The following LRRC7 variants were observed in gnomAD, a reference collection of about 807,000 sequenced individuals.
The protein encoded by LRRC7 is leucine-rich repeat-containing protein 7.
A neutral mutation model predicts 175.7 loss-of-function variants in LRRC7; 23 were observed. The ratio of observed to expected loss-of-function variants is 0.13; its 90% CI spans 0.09 to 0.19. The LOEUF is 0.19. LRRC7 is among the 10% of genes least tolerant of loss of function. LRRC7 has a pLI of 1.00. For synonymous variants in LRRC7, 685 were observed against 680.9 expected (o/e 1.01, Z -0.09); for missense variants, 1,354 against 1,904.7 (o/e 0.71, Z 5.38).
chr1:69,919,525 C>G lies in LRRC7; in HGVS notation c.648-11982C>G, dbSNP rs1646818089. ...GCAGGGGGAGCCCGCCAGGGTCCGCCGCTCGCACCTGCTAGTGAAGCCAGT... is the reference window on the plus strand; with the variant it reads ...GCAGGGGGAGCCCGCCAGGGTCCGCGGCTCGCACCTGCTAGTGAAGCCAGT... On this transcript the variant is annotated intron_variant, in intron 7 of 26. Transcript: ENST00000651989. The G allele has an allele frequency of 3.7e-5, 30 of 809,606 alleles. 3 individuals carry two copies. In the South Asian group the frequency reaches 4.2e-4, roughly 11 times the overall value. 50.2% of individuals were successfully genotyped at this position (809,606 alleles called of 1,614,324 possible). A position where few individuals can be genotyped will look rare whatever the true frequency, so the allele number is the denominator to read the frequency against.
chr1:69,786,744 C>T (rs374490704), intron 3 of LRRC7, among the ~76,000 whole-genome samples: 17 of 152,244 alleles, frequency 1.1e-4, no homozygotes, highest in African/African-American at 4.1e-4. Context: ...GATTTAATTA[C>T]CTCCCACTGG....
chr1:70,072,578 A>ACTGCTGCTGCTG (rs6143270), intron 23 of LRRC7, among the ~76,000 whole-genome samples: 4 of 150,608 alleles, frequency 2.7e-5, no homozygotes, highest in Non-Finnish European at 4.4e-5. Context: ...GAGACAAAAA[A>ACTGCTGCTGCTG]CTGCTGCTGC....
rs772065026 is a variant in LRRC7 at position 70,076,177 on chromosome 1, A to G, written c.4331A>G (p.Gln1444Arg). The G allele has an allele frequency of 1.1e-5, 18 of 1,614,028 alleles. No individual in the cohort carries two copies. Among genetic ancestry groups the G allele is most frequent in the Non-Finnish European group, 1.4e-5 (17 of 1,180,004 alleles). The change falls in exon 24 of 27, where the codon CAG becomes CGG. Residue 1444 changes from glutamine (Q) to arginine (R), a missense_variant. Gln to Arg is a conservative substitution (Grantham distance 43). Around this residue, in one of 4 missense-constraint regions of LRRC7, gnomAD observed 1,032 missense variants for 1,227.2 expected, o/e 0.84. Transcript: ENST00000651989. ...YEGNINKVTIQQFQSPLPIQI... is the reference protein window; with the variant it reads ...YEGNINKVTIRQFQSPLPIQI... ...GGAAATATAAACAAAGTGACCATCC[A>G]GCAATTTCAGTCACCATTGCCTATT...
intron 1 of LRRC7, among the ~76,000 whole-genome samples, chr1:69,578,781 G>A (rs1173130250): frequency 1.6e-5 from 2 of 127,188 alleles, no homozygotes; most frequent in African/African-American, 5.9e-5. Context: ...ATCACACTCT[G>A]GGGACTGTTG....
intron 4 of LRRC7, among the ~76,000 whole-genome samples, chr1:69,802,338 G>C (rs982285345): frequency 2.0e-5 from 3 of 151,306 alleles, no homozygotes; most frequent in African/African-American, 7.3e-5. Flanking sequence ...CACTATTATT[G>C]TATTGCATCT....
intron 8 of LRRC7, among the ~76,000 whole-genome samples, chr1:69,953,404 T>C (rs1411062705): frequency 6.6e-6 from 1 of 152,030 alleles, no homozygotes; most frequent in African/African-American, 2.4e-5. Context: ...TAAACTCCTC[T>C]ACAAAGAGAT....
intron 8 of LRRC7, among the ~76,000 whole-genome samples, chr1:69,943,669 A>T (rs1015398248): frequency 6.8e-6 from 1 of 146,606 alleles, no homozygotes; most frequent in African/African-American, 2.7e-5. Context: ...CATATGGCCC[A>T]AGTGAACACT....
chr1:70,060,111 A>G (rs541768898), intron 23 of LRRC7, among the ~76,000 whole-genome samples: 1 of 152,210 alleles, frequency 6.6e-6, no homozygotes, highest in Non-Finnish European at 1.5e-5. Context: ...TGAGGCCAGG[A>G]GTTTGAGACC....
intron 1 of LRRC7, among the ~76,000 whole-genome samples, chr1:69,582,353 G>A (rs1398373621): frequency 6.6e-6 from 1 of 152,128 alleles, no homozygotes; most frequent in African/African-American, 2.4e-5. Flanking sequence ...CTGTGGAACA[G>A]CAGCAGCTCC....
intron 24 of LRRC7, among the ~76,000 whole-genome samples, chr1:70,081,017 G>T (rs1245858440): frequency 6.6e-6 from 1 of 152,080 alleles, no homozygotes; most frequent in African/African-American, 2.4e-5. Context: ...GTTCTTAACC[G>T]CAGCTGCAGA....
intron 3 of LRRC7, among the ~76,000 whole-genome samples, chr1:69,761,712 G>C (rs1570662280): frequency 6.6e-6 from 1 of 152,028 alleles, no homozygotes. Context: ...TGTTGTACCA[G>C]ATGAGGAACT....
chr1:69,678,306 T>A, intron 1 of LRRC7, 75 bp from the exon 2 acceptor site: 4 of 1,089,136 alleles, frequency 3.7e-6, no homozygotes. Flanking sequence ...GGAATTTGAA[T>A]TTTAGACCAT....
chr1:69,907,606 G>T (rs1263770941), intron 7 of LRRC7, among the ~76,000 whole-genome samples: 1 of 152,202 alleles, frequency 6.6e-6, no homozygotes, highest in Non-Finnish European at 1.5e-5. Context: ...TCCCAGGGAT[G>T]AAGCCCAGCT....
intron 23 of LRRC7, among the ~76,000 whole-genome samples, chr1:70,064,064 G>A (rs894088079): frequency 1.2e-4 from 18 of 151,976 alleles, no homozygotes; most frequent in African/African-American, 3.9e-4. Context: ...TTCAAGGTCA[G>A]CAAATATTTT....
At chr1:69,643,652 T>C (rs2100443891) in intron 1 of LRRC7, among the ~76,000 whole-genome samples, 1 of 152,214 alleles carries the variant, frequency 6.6e-6, no homozygotes, top group Non-Finnish European at 1.5e-5. Context: ...ACTACCCTAA[T>C]CCCTCTCTCT....
At chr1:70,025,007 TTG>T (rs1262575834) in intron 17 of LRRC7, among the ~76,000 whole-genome samples, 1 of 152,070 alleles carries the variant, frequency 6.6e-6, no homozygotes, top group Non-Finnish European at 1.5e-5. Context: ...TTCCACAATA[TTG>T]TACAAATATG....
chr1:69,884,724 C>T (rs915976996), intron 7 of LRRC7, among the ~76,000 whole-genome samples: 2 of 145,558 alleles, frequency 1.4e-5, no homozygotes, highest in Non-Finnish European at 1.5e-5. Flanking sequence ...CCAGTTTTTG[C>T]CCATTCAGTA....
intron 8 of LRRC7, among the ~76,000 whole-genome samples, chr1:69,944,197 G>T (rs1649056658): frequency 1.3e-5 from 2 of 151,966 alleles, no homozygotes; most frequent in Non-Finnish European, 2.9e-5. Context: ...GACTTTTTCA[G>T]ATATGTCGTT....
In LRRC7 at chr1:70,048,447, G is replaced by A. The variant is rs1660502051; in HGVS notation, c.4110+4353G>A. ...CCTGCACTTAGCATAGTAGTAGGTA[G>A]AATTTAAATCTGCTTCTGCCTGGTG... On this transcript the variant is annotated intron_variant, in intron 22 of 26. Transcript: ENST00000651989. 2.0e-5 allele frequency among the ~76,000 whole-genome samples: 3 copies of A among 152,068 alleles called. No individual in the cohort carries two copies. The South Asian group carries it at 6.2e-4, about 32-fold the overall frequency.
Sources: allele counts gnomAD v4.1 joint callset (sites outside exome capture counted in the v4.1 genomes callset), GRCh38; gene constraint gnomAD v4.1.1; regional missense constraint gnomAD v4.1.1; transcripts MANE v1.5; gene names NCBI Gene and HGNC (gene_info 2026-07-23, HGNC 2026-07-21).